CLEC2L: variants seen among roughly 807,000 people sequenced by gnomAD.
CLEC2L encodes C-type lectin domain family 2 member L.
In CLEC2L, 14 loss-of-function variants were observed where a neutral mutation model predicts 23.6. That is an observed-to-expected ratio of 0.59 (90% confidence interval 0.39 to 0.93). The LOEUF is 0.93. Among genes scored for constraint, CLEC2L ranks in the 40% least tolerant of loss-of-function variants. CLEC2L has a pLI of 0.00. For synonymous variants in CLEC2L, 114 were observed against 121.3 expected (o/e 0.94, Z 0.40); for missense variants, 264 against 282.4 (o/e 0.93, Z 0.47).
chr7:139,535,812 G>A (rs989045366), intron 1 of CLEC2L, among the ~76,000 whole-genome samples: 2 of 152,158 alleles, frequency 1.3e-5, no homozygotes, highest in Admixed American at 6.5e-5. Context: ...GAACCCATGC[G>A]GCTGAAACCT....
chr7:139,536,380 C>T (rs973930097), intron 2 of CLEC2L, 32 bp downstream of exon 2: 1 of 1,522,930 alleles, frequency 6.6e-7, no homozygotes, highest in Non-Finnish European at 8.9e-7. Context: ...TTTATGCATT[C>T]AGTTTGCACA....
rs758692257 is a variant in CLEC2L at position 139,540,541 on chromosome 7, C to T, written c.432+54C>T. 1.9e-6 allele frequency: 3 copies of T among 1,543,474 alleles called. No individual in the cohort carries two copies. The highest frequency in any genetic ancestry group is 3.9e-5 in the Admixed American group (2 of 51,082). On this transcript the variant is annotated intron_variant, in intron 3 of 4. Transcript: ENST00000422142. The surrounding 1 kb of genome is among the most constrained non-coding windows in gnomAD (Gnocchi z 5.8). ...GGGAAGGGACCCTCAGGGCCCCCAA[C>T]CTTGACTCTAGGGGACAGCCACACA... is the stretch of plus-strand genomic sequence containing the variant.
intron 1 of CLEC2L, among the ~76,000 whole-genome samples, chr7:139,524,320 C>A (rs1797475101): frequency 6.6e-6 from 1 of 152,178 alleles, no homozygotes; most frequent in Non-Finnish European, 1.5e-5. Flanking sequence ...CGGGGGCCAC[C>A]GCGAGTCACA....
At chr7:139,525,118 C>T (rs1375835061) in intron 1 of CLEC2L, among the ~76,000 whole-genome samples, 1 of 152,130 alleles carries the variant, frequency 6.6e-6, no homozygotes, top group East Asian at 1.9e-4. Context: ...CTGAAGGACC[C>T]AGACGGTGAA....
intron 4 of CLEC2L, among the ~76,000 whole-genome samples, chr7:139,542,836 A>C (rs369965129): frequency 1.1e-4 from 17 of 152,094 alleles, no homozygotes; most frequent in East Asian, 7.7e-4. Flanking sequence ...GTGGCAGTAC[A>C]GTGGTGACTG....
At chr7:139,534,372 C>A in intron 1 of CLEC2L, 1 of 937,922 alleles carries the variant, frequency 1.1e-6, no homozygotes, top group South Asian at 1.3e-5. Flanking sequence ...AAGAATGAAT[C>A]CCAACAGTCC....
chr7:139,534,590 C>T, intron 1 of CLEC2L: 1 of 722,828 alleles, frequency 1.4e-6, no homozygotes, highest in South Asian at 1.5e-5. Context: ...TGGGGGTGGG[C>T]TTGGAACACA....
chr7:139,529,486 G>A (rs1443782372), intron 1 of CLEC2L, among the ~76,000 whole-genome samples: 1 of 152,154 alleles, frequency 6.6e-6, no homozygotes, highest in African/African-American at 2.4e-5. Context: ...GGAGAAGAAG[G>A]ATGCACTCAG....
At position 139,540,285 on chromosome 7, in the gene CLEC2L, G is replaced by A. The variant is rs1426261578; in HGVS notation, c.266-36G>A. 5 of 1,575,446 alleles carry A rather than the reference G, an allele frequency of 3.2e-6. No individual in the cohort carries two copies. Among genetic ancestry groups the A allele is most frequent in the Non-Finnish European group, 4.3e-6 (5 of 1,159,324 alleles). ...AAAGCAGAGTGGGACTCGGGCTGGG[G>A]GGGCGGGCAGGGCCGAGCTGGTCTC... On this transcript the variant is annotated intron_variant, in intron 2 of 4. Coordinates refer to ENST00000422142, the MANE Select transcript of CLEC2L (RefSeq NM_001080511.4). This position sits in a 1 kb window ranked among gnomAD's most constrained non-coding sequence, Gnocchi z 5.8.
intron 1 of CLEC2L, among the ~76,000 whole-genome samples, chr7:139,533,431 C>T (rs1209832732): frequency 1.3e-5 from 2 of 152,196 alleles, no homozygotes; most frequent in African/African-American, 4.8e-5. Context: ...TCTTGGCTCA[C>T]TGCAACCTCC....
In CLEC2L at chr7:139,539,702, C is replaced by A. The variant is rs1003830450; in HGVS notation, c.266-619C>A. ...ATGGGAGAGATGGCATCTGTTTCAA[C>A]CTGGATGAGGGAGGCTGGTGTGCTT... is the stretch of plus-strand genomic sequence containing the variant. On this transcript the variant is annotated intron_variant, in intron 2 of 4. Coordinates refer to ENST00000422142, the MANE Select transcript of CLEC2L (RefSeq NM_001080511.4). The surrounding 1 kb of genome is among the most constrained non-coding windows in gnomAD (Gnocchi z 4.1). 6.5e-6 allele frequency: 1 copy of A among 153,042 alleles called. No homozygotes were observed. The highest frequency in any genetic ancestry group is 2.4e-5 in the African/African-American group (1 of 41,406). The allele number at this position is 153,042 out of a possible 1,614,324, so 9.5% of individuals were successfully genotyped here. A position where few individuals can be genotyped will look rare whatever the true frequency, so the allele number is the denominator to read the frequency against.
At chr7:139,534,649 TTTCCACTTTG>T (rs1278757355) in intron 1 of CLEC2L, 3 of 604,654 alleles carry the variant, frequency 5.0e-6, no homozygotes, top group Admixed American at 2.6e-5. Flanking sequence ...AGTAATCCTG[TTTCCACTTTG>T]TTATACTCTA....
rs1797711827 is a variant in CLEC2L at position 139,540,118 on chromosome 7, T to G, written c.266-203T>G. 1.8e-6 allele frequency: 1 copy of G among 567,838 alleles called. No individual in the cohort carries two copies. Among genetic ancestry groups the G allele is most frequent in the Non-Finnish European group, 3.1e-6 (1 of 320,186 alleles). 35.2% of individuals were successfully genotyped at this position (567,838 alleles called of 1,614,324 possible). On this transcript the variant is annotated intron_variant, in intron 2 of 4. Transcript: ENST00000422142. The surrounding 1 kb of genome is among the most constrained non-coding windows in gnomAD (Gnocchi z 5.8). ...GCCCTGCTGTCACTTCCCGTCGTGATGATGCCCCTGCCAGGCTTCCCACAG... is the reference window on the plus strand; with the variant it reads ...GCCCTGCTGTCACTTCCCGTCGTGAGGATGCCCCTGCCAGGCTTCCCACAG...
intron 1 of CLEC2L, among the ~76,000 whole-genome samples, chr7:139,533,103 A>G (rs1797602952): frequency 6.6e-6 from 1 of 152,238 alleles, no homozygotes; most frequent in African/African-American, 2.4e-5. Flanking sequence ...AGCTAAGTAT[A>G]TAACACCAAA....
chr7:139,537,809 C>T (rs1342897446), intron 2 of CLEC2L, among the ~76,000 whole-genome samples: 1 of 152,110 alleles, frequency 6.6e-6, no homozygotes, highest in Non-Finnish European at 1.5e-5. Context: ...ATAGAACATG[C>T]TAAGTGGAAG....
intron 2 of CLEC2L, among the ~76,000 whole-genome samples, chr7:139,538,655 G>A (rs867451379): frequency 9.9e-5 from 15 of 151,972 alleles, no homozygotes; most frequent in African/African-American, 1.7e-4. Flanking sequence ...AGGCTGAGGC[G>A]GGAGAATTGC....
rs190196438 is a variant in CLEC2L at position 139,527,898 on chromosome 7, A to G, written c.190+3781A>G. On this transcript the variant is annotated intron_variant, in intron 1 of 4. Transcript: ENST00000422142. ...TTGGTAGTTTTTAACAGTCAAGATTATGCTTGCCAGGCTGTGTCCCCGATG... is the reference window on the plus strand; with the variant it reads ...TTGGTAGTTTTTAACAGTCAAGATTGTGCTTGCCAGGCTGTGTCCCCGATG... 5.1e-4 allele frequency among the ~76,000 whole-genome samples: 78 copies of G among 152,320 alleles called. 4 individuals carry two copies. The East Asian group carries it at 0.012, about 23-fold the overall frequency.
At chr7:139,535,112 A>G (rs1797634752) in intron 1 of CLEC2L, among the ~76,000 whole-genome samples, 1 of 152,236 alleles carries the variant, frequency 6.6e-6, no homozygotes, top group Non-Finnish European at 1.5e-5. Flanking sequence ...CACAATAGCC[A>G]AAAGGTGGAA....
At chr7:139,527,456 AG>A in intron 1 of CLEC2L, among the ~76,000 whole-genome samples, 1 of 152,358 alleles carries the variant, frequency 6.6e-6, no homozygotes, top group Non-Finnish European at 1.5e-5. Flanking sequence ...ATTAGAGCCC[AG>A]GTCTTTAAGA....
Sources: allele counts gnomAD v4.1 joint callset (sites outside exome capture counted in the v4.1 genomes callset), GRCh38; gene constraint gnomAD v4.1.1; non-coding constraint Gnocchi (gnomAD v3.1); transcripts MANE v1.5; gene names NCBI Gene and HGNC (gene_info 2026-07-23, HGNC 2026-07-21).